TENM2: variants seen among roughly 807,000 people sequenced by gnomAD.
TENM2 encodes the protein teneurin transmembrane protein 2.
In TENM2, 52 loss-of-function variants were observed where a neutral mutation model predicts 245.2. The ratio of observed to expected loss-of-function variants is 0.21; its 90% CI spans 0.17 to 0.27. The LOEUF (loss-of-function observed/expected upper bound fraction) is 0.27. TENM2 is among the 10% of genes least tolerant of loss of function. TENM2 has a pLI of 1.00. For synonymous variants in TENM2, 1,363 were observed against 1,438.9 expected, an observed-to-expected ratio of 0.95 and a Z score of 1.19; for missense variants, 3,046 against 3,666.8, an observed-to-expected ratio of 0.83 and a Z score of 4.37.
At position 167,880,387 on chromosome 5, in the gene TENM2, A is replaced by G. The variant is rs149075097; in HGVS notation, c.712+4192A>G. 5.3e-5 allele frequency among the ~76,000 whole-genome samples: 8 copies of G among 152,292 alleles called. No individual in the cohort carries two copies. The East Asian group carries it at 1.5e-3, about 29-fold the overall frequency. ...TATAATTAGATGATACAATAAAGGT[A>G]AAGGAAAAATTTAAGGGAGAAAGTA... On this transcript the variant is annotated intron_variant, in intron 3 of 28. Transcript: ENST00000518659.
intron 12 of TENM2, among the ~76,000 whole-genome samples, chr5:168,148,333 A>C (rs879873969): frequency 6.6e-6 from 1 of 152,240 alleles, no homozygotes; most frequent in Non-Finnish European, 1.5e-5. Context: ...AGTGGCACCT[A>C]ACAAAAGCAT....
At chr5:167,191,035 A>T in the TENM2 span, among the ~76,000 whole-genome samples, 10 of 152,010 alleles carry the variant, frequency 6.6e-5, no homozygotes, top group African/African-American at 2.4e-4. Flanking sequence ...TGAGCACATT[A>T]GTACATCAAT....
At chr5:167,546,580 T>C (rs921588481) in intron 2 of TENM2, among the ~76,000 whole-genome samples, 5 of 152,182 alleles carry the variant, frequency 3.3e-5, no homozygotes, top group Admixed American at 1.3e-4. Flanking sequence ...AAGGTAAATA[T>C]TCTTTGCGAT....
intron 2 of TENM2, among the ~76,000 whole-genome samples, chr5:167,598,267 C>A (rs1440004965): frequency 6.6e-6 from 1 of 152,066 alleles, no homozygotes; most frequent in Admixed American, 6.6e-5. Context: ...ATTTTGTTCC[C>A]AAAATAAAGG....
the TENM2 span, among the ~76,000 whole-genome samples, chr5:167,091,482 G>C: frequency 1.3e-5 from 2 of 152,098 alleles, no homozygotes; most frequent in African/African-American, 4.8e-5. Flanking sequence ...CAAATTGTAG[G>C]CATATATATA....
At chr5:167,586,615 C>T (rs907423122) in intron 2 of TENM2, among the ~76,000 whole-genome samples, 8 of 152,100 alleles carry the variant, frequency 5.3e-5, no homozygotes, top group Non-Finnish European at 8.8e-5. Context: ...ACTCATAATA[C>T]CCAGGATAGT....
the TENM2 span, among the ~76,000 whole-genome samples, chr5:167,189,633 A>G: frequency 6.6e-6 from 1 of 151,664 alleles, no homozygotes; most frequent in Non-Finnish European, 1.5e-5. Context: ...CAGTGGCATG[A>G]TCATAATTCA....
At chr5:168,120,879 A>C (rs1795421527) in intron 10 of TENM2, among the ~76,000 whole-genome samples, 1 of 152,200 alleles carries the variant, frequency 6.6e-6, no homozygotes, top group Non-Finnish European at 1.5e-5. Flanking sequence ...TTCCTGCATA[A>C]ACATGGTTGT....
chr5:167,730,435 C>G (rs935502240), intron 2 of TENM2, among the ~76,000 whole-genome samples: 1 of 152,056 alleles, frequency 6.6e-6, no homozygotes, highest in Non-Finnish European at 1.5e-5. Context: ...CTGTAAACAC[C>G]CGTTTTTGGT....
chr5:167,783,139 A>G (rs1416710698), intron 2 of TENM2, among the ~76,000 whole-genome samples: 4 of 151,432 alleles, frequency 2.6e-5, no homozygotes, highest in Non-Finnish European at 5.9e-5. Context: ...TCACTGTGGA[A>G]GATGAAACAT....
chr5:167,410,761 A>G (rs1363338660), intron 2 of TENM2, among the ~76,000 whole-genome samples: 1 of 152,100 alleles, frequency 6.6e-6, no homozygotes, highest in Non-Finnish European at 1.5e-5. Context: ...CCATGGGCAT[A>G]GAAGAAATAT....
At chr5:168,222,921 T>A (rs1442587996) in intron 23 of TENM2, among the ~76,000 whole-genome samples, 1 of 152,194 alleles carries the variant, frequency 6.6e-6, no homozygotes, top group African/African-American at 2.4e-5. Context: ...AGGTGCTTGA[T>A]GAATATTTAT....
At chr5:167,528,541 A>G (rs749601919) in intron 2 of TENM2, among the ~76,000 whole-genome samples, 2 of 152,182 alleles carry the variant, frequency 1.3e-5, no homozygotes, top group Non-Finnish European at 2.9e-5. Context: ...AGTCATGTAT[A>G]TAAAATTCTT....
chr5:167,577,589 T>G (rs770310278), intron 2 of TENM2, among the ~76,000 whole-genome samples: 2 of 149,882 alleles, frequency 1.3e-5, no homozygotes, highest in African/African-American at 2.5e-5. Context: ...TTCAAATACA[T>G]TTTTTTTTGT....
chr5:167,119,295 T>C, the TENM2 span, among the ~76,000 whole-genome samples: 3 of 152,154 alleles, frequency 2.0e-5, no homozygotes, highest in Non-Finnish European at 4.4e-5. Flanking sequence ...ACTTTCTACG[T>C]GGTGGTGATT....
chr5:167,666,639 A>G (rs1348715184), intron 2 of TENM2, among the ~76,000 whole-genome samples: 3 of 152,168 alleles, frequency 2.0e-5, no homozygotes, highest in African/African-American at 4.8e-5. Flanking sequence ...TGTACTCTTC[A>G]TATATTACTA....
chr5:167,328,832 T>C (rs945804119), intron 1 of TENM2, among the ~76,000 whole-genome samples: 2 of 152,234 alleles, frequency 1.3e-5, no homozygotes. Context: ...GTTTCTCTGC[T>C]TTATTTTCTT....
the TENM2 span, among the ~76,000 whole-genome samples, chr5:167,238,713 A>G: frequency 2.0e-5 from 3 of 150,756 alleles, no homozygotes; most frequent in African/African-American, 4.9e-5. Flanking sequence ...AAAAAAAAAA[A>G]GCAAATAAAA....
At chr5:167,369,451 A>ATTT (rs34408184) in intron 1 of TENM2, among the ~76,000 whole-genome samples, 5,827 of 150,244 alleles carry the variant, frequency 0.039, 305 homozygotes, top group African/African-American at 0.12. Flanking sequence ...TTGATGAACT[A>ATTT]TTTTTTTTTT....
Sources: allele counts gnomAD v4.1 joint callset (sites outside exome capture counted in the v4.1 genomes callset), GRCh38; gene constraint gnomAD v4.1.1; transcripts MANE v1.5; gene names NCBI Gene and HGNC (gene_info 2026-07-23, HGNC 2026-07-21).